The following CCSER1 variants were observed in gnomAD, a reference collection of about 807,000 sequenced individuals.
The protein encoded by CCSER1 is coiled-coil serine rich protein 1.
Under a neutral mutation model 82.0 loss-of-function variants are expected in CCSER1, and 41 were observed. The ratio of observed to expected loss-of-function variants is 0.50; its 90% CI spans 0.39 to 0.65. CCSER1 has a LOEUF of 0.65. Ranked by LOEUF, CCSER1 falls within the 30% of genes least tolerant of loss-of-function variation. CCSER1 has a pLI of 0.00. For missense variants in CCSER1, 1,119 were observed against 1,064.2 expected, an observed-to-expected ratio of 1.05 and a Z score of -0.72; for synonymous variants, 414 against 383.9, an observed-to-expected ratio of 1.08 and a Z score of -0.92.
chr4:90,951,774 TTCTAA>T (rs1247607484), intron 9 of CCSER1, among the ~76,000 whole-genome samples: 2 of 152,120 alleles, frequency 1.3e-5, no homozygotes, highest in Non-Finnish European at 2.9e-5. Context: ...TTCTGAATGC[TTCTAA>T]ATTCTTTAAG....
At chr4:90,991,068 A>G (rs1314455329) in intron 9 of CCSER1, among the ~76,000 whole-genome samples, 1 of 151,818 alleles carries the variant, frequency 6.6e-6, no homozygotes, top group African/African-American at 2.4e-5. Context: ...ACACGCAGTC[A>G]GGTAGTATTG....
chr4:91,224,189 T>A (rs1231259455), intron 10 of CCSER1, among the ~76,000 whole-genome samples: 1 of 152,094 alleles, frequency 6.6e-6, no homozygotes, highest in African/African-American at 2.4e-5. Flanking sequence ...CGCTAAAGCA[T>A]GCAAGTTAGC....
At chr4:90,761,070 G>T (rs1380746177) in intron 7 of CCSER1, among the ~76,000 whole-genome samples, 1 of 151,942 alleles carries the variant, frequency 6.6e-6, no homozygotes, top group Non-Finnish European at 1.5e-5. Context: ...AAATTTACAG[G>T]GCTCTCTAAA....
At position 90,225,187 on chromosome 4, in the gene CCSER1, C is replaced by A. The variant is rs115764860; in HGVS notation, c.-41-83057C>A. Among the ~76,000 whole-genome samples, 848 of 150,738 alleles carry A rather than the reference C, an allele frequency of 5.6e-3. 8 individuals carry two copies. Among genetic ancestry groups the A allele is most frequent in the African/African-American group, 0.02 (825 of 40,992 alleles). On this transcript the variant is annotated intron_variant, in intron 1 of 10. Coordinates refer to ENST00000509176, the MANE Select transcript of CCSER1 (RefSeq NM_001145065.2). ...TCAAGTTATCCTCCCAACTTGGACT[C>A]CTGAGTATTTGGGACCACCGGTGCA... is the stretch of plus-strand genomic sequence containing the variant.
At chr4:90,923,625 C>T (rs1342063890) in intron 9 of CCSER1, 178 bp downstream of exon 9, 2 of 509,450 alleles carry the variant, frequency 3.9e-6, no homozygotes, top group Non-Finnish European at 3.5e-6. Flanking sequence ...AAGATGATTA[C>T]AGGCACCAAC....
At chr4:91,421,161 A>G (rs1361569415) in intron 10 of CCSER1, among the ~76,000 whole-genome samples, 2 of 152,178 alleles carry the variant, frequency 1.3e-5, no homozygotes, top group Non-Finnish European at 2.9e-5. Flanking sequence ...TGTGTTAGCC[A>G]GAGATGTCCT....
At chr4:90,449,420 G>A (rs1021509267) in intron 4 of CCSER1, among the ~76,000 whole-genome samples, 1 of 152,212 alleles carries the variant, frequency 6.6e-6, no homozygotes, top group African/African-American at 2.4e-5. Context: ...GCTATTCCCA[G>A]ATTCAAGGTG....
chr4:90,964,406 C>CA (rs1376172574), intron 9 of CCSER1, among the ~76,000 whole-genome samples: 12 of 151,892 alleles, frequency 7.9e-5, no homozygotes, highest in African/African-American at 2.9e-4. Context: ...ACAGTAAAGG[C>CA]ATCTGAAAAT....
At chr4:90,536,031 GTT>G (rs781671347) in intron 5 of CCSER1, among the ~76,000 whole-genome samples, 61 of 117,166 alleles carry the variant, frequency 5.2e-4, no homozygotes, top group East Asian at 3.6e-3. Flanking sequence ...CTTTCTTTCT[GTT>G]TTTTTTTTTT....
intron 1 of CCSER1, among the ~76,000 whole-genome samples, chr4:90,211,560 T>C (rs1460296317): frequency 6.6e-6 from 1 of 152,184 alleles, no homozygotes; most frequent in Admixed American, 6.5e-5. Context: ...AAGAGAACAA[T>C]TTGACTCTGC....
chr4:90,906,740 T>C (rs1250708792), intron 8 of CCSER1, among the ~76,000 whole-genome samples: 1 of 152,200 alleles, frequency 6.6e-6, no homozygotes, highest in East Asian at 1.9e-4. Context: ...GATCTCAGTC[T>C]CAATACTGTT....
At chr4:90,951,293 A>C (rs1732885557) in intron 9 of CCSER1, 1 of 152,038 alleles carries the variant, frequency 6.6e-6, no homozygotes, top group Non-Finnish European at 1.5e-5. Flanking sequence ...AGAGGTAATA[A>C]AATTTACTTT....
chr4:91,213,436 A>C (rs1227700617), intron 10 of CCSER1, among the ~76,000 whole-genome samples: 1 of 152,124 alleles, frequency 6.6e-6, no homozygotes, highest in Non-Finnish European at 1.5e-5. Context: ...ATATAGTAAA[A>C]AAAAGTTAAT....
At chr4:90,945,027 T>G (rs546751732) in intron 9 of CCSER1, among the ~76,000 whole-genome samples, 1 of 152,308 alleles carries the variant, frequency 6.6e-6, no homozygotes, top group East Asian at 1.9e-4. Context: ...CTCTTCCGTG[T>G]TTTGAATGTT....
intron 7 of CCSER1, among the ~76,000 whole-genome samples, chr4:90,753,501 A>T (rs1055845167): frequency 2.6e-5 from 4 of 152,132 alleles, no homozygotes; most frequent in Non-Finnish European, 1.5e-5. Context: ...TCTTTCTCAC[A>T]CCCATTCTGT....
At chr4:91,594,402 CAT>C (rs746281395) in intron 10 of CCSER1, among the ~76,000 whole-genome samples, 1 of 145,336 alleles carries the variant, frequency 6.9e-6, no homozygotes, top group Non-Finnish European at 1.5e-5. Flanking sequence ...CATATATACA[CAT>C]ATATACACAT....
intron 3 of CCSER1, among the ~76,000 whole-genome samples, chr4:90,347,311 C>CTCTATCTA (rs35636292): frequency 0.17 from 24,766 of 148,556 alleles, 2,164 homozygotes; most frequent in East Asian, 0.24. Flanking sequence ...TTAACATAAG[C>CTCTATCTA]TCTATCTATC....
chr4:90,278,768 C>G (rs1193043946), intron 1 of CCSER1, among the ~76,000 whole-genome samples: 2 of 151,948 alleles, frequency 1.3e-5, no homozygotes, highest in African/African-American at 4.8e-5. Context: ...TACCTCAAGC[C>G]TCAACATTAC....
rs77857837 is a variant in CCSER1, at chr4:90,842,723, A to C, written c.2094+26878A>C. 3.5e-4 allele frequency among the ~76,000 whole-genome samples: 53 copies of C among 152,320 alleles called. 2 individuals carry two copies. In the East Asian group the frequency reaches 0.01, roughly 29 times the overall value. ...GAGATGTATAAGAAGGATGCAGTTC[A>C]CTGGTAAGGTATAGGCAGGGATTCT... On this transcript the variant is annotated intron_variant, in intron 8 of 10. Coordinates refer to ENST00000509176, the MANE Select transcript of CCSER1 (RefSeq NM_001145065.2).
Sources: gnomAD v4.1 joint callset for allele counts (sites outside exome capture counted in the v4.1 genomes callset) on GRCh38, gnomAD v4.1.1 for gene constraint, MANE v1.5 for transcripts, NCBI Gene and HGNC (gene_info 2026-07-23, HGNC 2026-07-21) for gene names.